Variants in ADAMTSL1 observed in about 807,000 individuals in gnomAD.
The protein encoded by ADAMTSL1 is ADAMTS-like protein 1.
Under a neutral mutation model 201.8 loss-of-function variants are expected in ADAMTSL1, and 126 were observed. The observed-to-expected ratio is 0.62, with a 90% CI of 0.54 to 0.72. The LOEUF (loss-of-function observed/expected upper bound fraction) is 0.72. Ranked by LOEUF, ADAMTSL1 falls within the 30% of genes least tolerant of loss-of-function variation. ADAMTSL1 has a pLI of 0.00. For missense variants in ADAMTSL1, 2,679 were observed against 2,277.8 expected (o/e 1.18, Z -3.59); for synonymous variants, 1,121 against 903.4 (o/e 1.24, Z -4.32).
chr9:18,204,901 CTG>C (rs1339357688), intron 2 of ADAMTSL1, among the ~76,000 whole-genome samples: 1 of 152,184 alleles, frequency 6.6e-6, no homozygotes, highest in Non-Finnish European at 1.5e-5. Flanking sequence ...TTTATATCCA[CTG>C]TATTATGGCA....
chr9:17,987,514 A>G (rs1187674906), intron 1 of ADAMTSL1, among the ~76,000 whole-genome samples: 1 of 151,870 alleles, frequency 6.6e-6, no homozygotes, highest in African/African-American at 2.4e-5. Flanking sequence ...AGTGTTTAAA[A>G]TATTTAGATC....
At chr9:18,650,228 TCC>T (rs1295145256) in intron 7 of ADAMTSL1, among the ~76,000 whole-genome samples, 1 of 152,212 alleles carries the variant, frequency 6.6e-6, no homozygotes, top group African/African-American at 2.4e-5. Context: ...GTGTGCCGTT[TCC>T]TAAGCCCATC....
chr9:18,813,505 A>T (rs1281485425), intron 20 of ADAMTSL1, among the ~76,000 whole-genome samples: 1 of 152,092 alleles, frequency 6.6e-6, no homozygotes, highest in African/African-American at 2.4e-5. Context: ...TTCTTTCATC[A>T]ATGTTTTATA....
At chr9:18,656,831 A>C (rs911250600) in intron 7 of ADAMTSL1, among the ~76,000 whole-genome samples, 2 of 152,084 alleles carry the variant, frequency 1.3e-5, no homozygotes, top group Non-Finnish European at 2.9e-5. Flanking sequence ...TTCTGTCTTC[A>C]TGAAATTGTT....
intron 2 of ADAMTSL1, among the ~76,000 whole-genome samples, chr9:18,528,086 C>A (rs1467954337): frequency 6.6e-6 from 1 of 152,152 alleles, no homozygotes; most frequent in East Asian, 1.9e-4. Context: ...TCACGTTGGC[C>A]AGGCTGGTCT....
At chr9:18,561,150 C>A (rs560511771) in intron 3 of ADAMTSL1, among the ~76,000 whole-genome samples, 17 of 152,266 alleles carry the variant, frequency 1.1e-4, no homozygotes, top group South Asian at 6.2e-4. Context: ...ATCTTTCCCA[C>A]TTTCTCCTGT....
chr9:17,916,189 G>C (rs1253577934), intron 1 of ADAMTSL1, among the ~76,000 whole-genome samples: 2 of 152,210 alleles, frequency 1.3e-5, no homozygotes, highest in Non-Finnish European at 2.9e-5. Flanking sequence ...CCAAAGTACT[G>C]GGATTACAGG....
intron 20 of ADAMTSL1, among the ~76,000 whole-genome samples, chr9:18,797,003 G>T (rs920841671): frequency 6.6e-6 from 1 of 152,146 alleles, no homozygotes; most frequent in South Asian, 2.1e-4. Flanking sequence ...AATTTAATAC[G>T]ATTAATAGAA....
At chr9:18,618,759 A>G (rs1205295842) in intron 4 of ADAMTSL1, among the ~76,000 whole-genome samples, 1 of 152,170 alleles carries the variant, frequency 6.6e-6, no homozygotes, top group African/African-American at 2.4e-5. Context: ...GGCATTCCCC[A>G]GCCAAGTCAG....
At chr9:18,754,216 G>T (rs1819619549) in intron 16 of ADAMTSL1, among the ~76,000 whole-genome samples, 1 of 152,144 alleles carries the variant, frequency 6.6e-6, no homozygotes, top group Non-Finnish European at 1.5e-5. Flanking sequence ...TAAAATATGT[G>T]CTATCCCTTT....
intron 7 of ADAMTSL1, among the ~76,000 whole-genome samples, chr9:18,645,981 G>A (rs938527636): frequency 2.4e-4 from 37 of 151,912 alleles, no homozygotes; most frequent in African/African-American, 8.7e-4. Context: ...ACCTTGGGCA[G>A]TATGGCCATT....
chr9:18,260,506 A>G (rs1831876190), intron 2 of ADAMTSL1, among the ~76,000 whole-genome samples: 1 of 152,228 alleles, frequency 6.6e-6, no homozygotes. Flanking sequence ...ACCTGGGCCT[A>G]GGATCCTCCA....
intron 1 of ADAMTSL1, among the ~76,000 whole-genome samples, chr9:17,919,769 G>A (rs1156924953): frequency 6.6e-6 from 1 of 152,008 alleles, no homozygotes; most frequent in Non-Finnish European, 1.5e-5. Context: ...TATGAGTAAT[G>A]CTGCTATAAA....
intron 1 of ADAMTSL1, among the ~76,000 whole-genome samples, chr9:18,142,876 T>C (rs1303025754): frequency 6.6e-6 from 1 of 152,244 alleles, no homozygotes; most frequent in African/African-American, 2.4e-5. Context: ...AGCTAGTTTC[T>C]ACCCTAAACT....
chr9:18,364,927 A>T lies in ADAMTSL1; in HGVS notation c.208-139902A>T, dbSNP rs539312329. Reference sequence around the variant, plus strand: ...CAAAGCGGGTACTAAACCATTCATCAGAACTCCGCCCCCATGATCCAATAA... The same window carrying T: ...CAAAGCGGGTACTAAACCATTCATCTGAACTCCGCCCCCATGATCCAATAA... On this transcript the variant is annotated intron_variant, in intron 2 of 29. Transcript: ENST00000680146. Among the ~76,000 whole-genome samples the T allele has an allele frequency of 2.0e-5, 3 of 152,246 alleles. No homozygotes were observed. The East Asian group carries it at 5.8e-4, about 29-fold the overall frequency.
chr9:18,478,969 G>T (rs1821594553), intron 1 of ADAMTSL1, among the ~76,000 whole-genome samples: 1 of 152,090 alleles, frequency 6.6e-6, no homozygotes, highest in Non-Finnish European at 1.5e-5. Flanking sequence ...GGCTTGATTG[G>T]CAGTACTGGC....
intron 1 of ADAMTSL1, among the ~76,000 whole-genome samples, chr9:18,503,305 A>G (rs1822937735): frequency 1.3e-5 from 2 of 151,738 alleles, no homozygotes; most frequent in Non-Finnish European, 2.9e-5. Context: ...GAATCATGCA[A>G]TATTTGTTCT....
At chr9:17,914,554 C>CAA (rs1420798703) in intron 1 of ADAMTSL1, among the ~76,000 whole-genome samples, 1 of 151,376 alleles carries the variant, frequency 6.6e-6, no homozygotes, top group African/African-American at 2.4e-5. Context: ...GACAAACCCA[C>CAA]AGCCAATATC....
At chr9:18,421,908 A>C (rs1306415210) in intron 2 of ADAMTSL1, among the ~76,000 whole-genome samples, 1 of 152,206 alleles carries the variant, frequency 6.6e-6, no homozygotes, top group African/African-American at 2.4e-5. Flanking sequence ...AGGATTTAAG[A>C]ATGTAATATT....
Sources: gnomAD v4.1 joint callset for allele counts (sites outside exome capture counted in the v4.1 genomes callset) on GRCh38, gnomAD v4.1.1 for gene constraint, MANE v1.5 for transcripts, NCBI Gene and HGNC (gene_info 2026-07-23, HGNC 2026-07-21) for gene names.